CEP95: variants seen among roughly 807,000 people sequenced by gnomAD.
CEP95 encodes centrosomal protein 95, also known as centrosomal protein of 95 kDa.
A neutral mutation model predicts 111.2 loss-of-function variants in CEP95; 98 were observed. That is an observed-to-expected ratio of 0.88 (90% CI 0.75 to 1.04). The LOEUF (loss-of-function observed/expected upper bound fraction) is 1.04, where lower values mean the gene tolerates loss of function less well. Ranked by LOEUF, CEP95 falls within the 50% of genes least tolerant of loss-of-function variation. The pLI is 0.00. For missense variants in CEP95, 1,027 were observed against 977.2 expected (o/e 1.05, Z -0.68); for synonymous variants, 323 against 327.1 (o/e 0.99, Z 0.14).
At position 64,537,085 on chromosome 17, in the gene CEP95, T is replaced by G; in HGVS notation, c.2262T>G (p.Leu754=). 6.2e-7 allele frequency: 1 copy of G among 1,613,174 alleles called. No individual in the cohort carries two copies. The highest frequency in any genetic ancestry group is 2.2e-5 in the East Asian group (1 of 44,820). Residue 754 remains leucine (L), a synonymous_variant, in exon 19 of 20, where the codon CTT becomes CTG. Transcript: ENST00000556440. ...AEAISQEHQE[L]KAREKSQAQT... ...CCATATCACAGGAACATCAAGAACTTAAAGCCAGAGAGAAATCTCAGGCCC... is the reference window on the plus strand; with the variant it reads ...CCATATCACAGGAACATCAAGAACTGAAAGCCAGAGAGAAATCTCAGGCCC...
At chr17:64,516,919 A>C (rs962942222) in intron 5 of CEP95, 91 bp downstream of exon 5, 13 of 662,774 alleles carry the variant, frequency 2.0e-5, no homozygotes, top group African/African-American at 3.7e-5. Flanking sequence ...AGATGGCACC[A>C]AAAAAAGCTA....
chr17:64,510,930 CAG>C (rs1330554945), intron 3 of CEP95, among the ~76,000 whole-genome samples: 1 of 152,096 alleles, frequency 6.6e-6, no homozygotes, highest in Non-Finnish European at 1.5e-5. Flanking sequence ...AATAAAGGGA[CAG>C]AGTACAAAAG....
Position 64,510,201 on chromosome 17 carries a change from A to T in CEP95, c.177A>T (p.Glu59Asp), listed in dbSNP as rs2038820284. ...PDLIVIPRSQ[E>D]DDAHNVQAVI... ...TCATAGTTATTCCTAGGAGTCAAGAAGATGATGCACACAATGTACAAGCAG... is the reference window on the plus strand; with the variant it reads ...TCATAGTTATTCCTAGGAGTCAAGATGATGATGCACACAATGTACAAGCAG... The change falls in exon 3 of 20, where the codon GAA becomes GAT. Residue 59 changes from glutamate to aspartate, a missense_variant. Physicochemically the swap from Glu to Asp is conservative, Grantham distance 45. Coordinates refer to ENST00000556440, the MANE Select transcript of CEP95 (RefSeq NM_138363.3). 1 of 1,610,928 alleles carries T rather than the reference A, an allele frequency of 6.2e-7. No individual in the cohort carries two copies. The highest frequency in any genetic ancestry group is 2.2e-5 in the East Asian group (1 of 44,846).
chr17:64,531,917 C>G lies in CEP95; in HGVS notation c.1567C>G (p.Arg523Gly). Residue 523 changes from arginine to glycine, a missense_variant, in exon 14 of 20, where the codon CGT (arginine) becomes GGT (glycine). Coordinates refer to ENST00000556440, the MANE Select transcript of CEP95 (RefSeq NM_138363.3). ...AAAAATATACAGAGGAGAAGCTGTT[C>G]GTAAAGGAACTCCAGAATGTAGTCA... ...TEKIYRGEAVRKGTPECSQPW... is the reference protein window; with the variant it reads ...TEKIYRGEAVGKGTPECSQPW... The G allele has an allele frequency of 6.2e-7, 1 of 1,601,630 alleles. No homozygotes were observed. Among genetic ancestry groups the G allele is most frequent in the Non-Finnish European group, 8.5e-7 (1 of 1,174,938 alleles).
At chr17:64,534,765 G>A in intron 17 of CEP95, 28 bp downstream of exon 17, 1 of 1,599,410 alleles carries the variant, frequency 6.3e-7, no homozygotes, top group Non-Finnish European at 8.5e-7. Flanking sequence ...GTCCAGCCCT[G>A]TTAAGAAGGT....
At chr17:64,532,087 A>G (rs1036552639) in intron 14 of CEP95, 65 bp downstream of exon 14, 3 of 1,467,520 alleles carry the variant, frequency 2.0e-6, no homozygotes, top group African/African-American at 2.9e-5. Context: ...GCAACATTCC[A>G]AGGACACAGC....
rs1555674504 is a variant in CEP95 at position 64,510,244 on chromosome 17, T to C, written c.220T>C (p.Leu74=). The C allele has an allele frequency of 6.2e-7, 1 of 1,610,986 alleles. No individual in the cohort carries two copies. Among genetic ancestry groups the C allele is most frequent in the African/African-American group, 1.3e-5 (1 of 75,034 alleles). Residue 74 remains leucine, a synonymous_variant, in exon 3 of 20, where the codon TTG becomes CTG. Transcript: ENST00000556440. ...ACAAGCAGTAATTGATTCACTGGCC[T>C]TGGACTACTTGCAGGTCAGCTTGTC... ...NVQAVIDSLA[L]DYLQVSLSHI... is the part of the protein sequence containing the mutation.
At chr17:64,534,543 C>G (rs1568157198) in intron 16 of CEP95, 42 bp from the exon 17 acceptor site, 68 of 1,571,624 alleles carry the variant, frequency 4.3e-5, no homozygotes, top group Non-Finnish European at 5.9e-5. Flanking sequence ...CTGCATTCCT[C>G]TTGTCCTTAC....
In CEP95 at chr17:64,514,753, C is replaced by T. The variant is rs1257837574; in HGVS notation, c.367+395C>T. 1.4e-5 allele frequency: 4 copies of T among 277,822 alleles called. 1 individual carries two copies. In the South Asian group the frequency reaches 4.9e-4, roughly 34 times the overall value. 17.2% of individuals were successfully genotyped at this position (277,822 alleles called of 1,614,324 possible). A position where few individuals can be genotyped will look rare whatever the true frequency, so the allele number is the denominator to read the frequency against. ...AGAATTGGTGCATTTGTGTCTTTAGCCTGCACTTACATTTGTGACAGCCTA... is the reference window on the plus strand; with the variant it reads ...AGAATTGGTGCATTTGTGTCTTTAGTCTGCACTTACATTTGTGACAGCCTA... On this transcript the variant is annotated intron_variant, in intron 4 of 19. Coordinates refer to ENST00000556440, the MANE Select transcript of CEP95 (RefSeq NM_138363.3).
In CEP95 at chr17:64,521,396, T is replaced by C. The variant is rs1555677777; in HGVS notation, c.590-6T>C. On this transcript the variant is annotated splice_polypyrimidine_tract_variant and splice_region_variant and intron_variant, in intron 6 of 19. Transcript: ENST00000556440. ...AAAATTTTACCTTTAATATTTTCTTTCCTAGGTGCTCAATGTCCTAATGAA... is the reference window on the plus strand; with the variant it reads ...AAAATTTTACCTTTAATATTTTCTTCCCTAGGTGCTCAATGTCCTAATGAA... 1.2e-6 allele frequency: 2 copies of C among 1,601,056 alleles called. No individual in the cohort carries two copies. The highest frequency in any genetic ancestry group is 1.7e-6 in the Non-Finnish European group (2 of 1,173,270).
In CEP95 at chr17:64,527,151, C is replaced by T. The variant is rs1555679267; in HGVS notation, c.1193C>T (p.Thr398Ile). ...CTGGGTGATCGGATTAAAGAAAAGA[C>T]TGACCATAAAGAAGAAAATACTGGA... Reference protein sequence around the residue: ...SALGDRIKEKTDHKEENTGNE... With the variant: ...SALGDRIKEKIDHKEENTGNE... Residue 398 changes from threonine (T) to isoleucine (I), a missense_variant, in exon 11 of 20, where the codon ACT becomes ATT. Thr to Ile is a moderately conservative substitution (Grantham distance 89). Transcript: ENST00000556440. The T allele has an allele frequency of 6.2e-7, 1 of 1,613,306 alleles. No homozygotes were observed. Among genetic ancestry groups the T allele is most frequent in the African/African-American group, 1.3e-5 (1 of 74,968 alleles).
chr17:64,517,771 C>T (rs902367148), intron 5 of CEP95, among the ~76,000 whole-genome samples: 4 of 148,986 alleles, frequency 2.7e-5, no homozygotes, highest in South Asian at 4.3e-4. Flanking sequence ...TGGCCTCAAG[C>T]GATCCTCCTG....
chr17:64,530,054 C>T (rs1298324401), intron 12 of CEP95, among the ~76,000 whole-genome samples: 6 of 152,210 alleles, frequency 3.9e-5, no homozygotes, highest in South Asian at 4.1e-4. Context: ...ACAGAAAAAA[C>T]GCATGATGTA....
intron 2 of CEP95, among the ~76,000 whole-genome samples, chr17:64,509,905 C>CTATA (rs149675660): frequency 2.1e-4 from 31 of 149,124 alleles, no homozygotes; most frequent in African/African-American, 6.9e-4. Flanking sequence ...ATCTATATAT[C>CTATA]TATATATATA....
chr17:64,507,104 G>A lies in CEP95; in HGVS notation c.7G>A (p.Gly3Ser). 1 of 1,551,470 alleles carries A rather than the reference G, an allele frequency of 6.4e-7. No homozygotes were observed. The highest frequency in any genetic ancestry group is 2.0e-5 in the Admixed American group (1 of 51,020). The change falls in exon 1 of 20, where the codon GGC (glycine) becomes AGC (serine). Residue 3 changes from glycine to serine, a missense_variant. Coordinates refer to ENST00000556440, the MANE Select transcript of CEP95 (RefSeq NM_138363.3). MAGSDAEWVTIAN... is the reference protein window; with the variant it reads MASSDAEWVTIAN... ...GGCGACCTGCCTCTGAAACATGGCA[G>A]GCTCGGATGCTGGTGAGTGTCTCCC...
intron 3 of CEP95, among the ~76,000 whole-genome samples, chr17:64,513,168 G>A (rs1379742537): frequency 6.6e-6 from 1 of 152,126 alleles, no homozygotes; most frequent in Non-Finnish European, 1.5e-5. Flanking sequence ...AAACTCAAAC[G>A]TTGTCGTTAC....
rs1369597060 is a variant in CEP95 at position 64,529,294 on chromosome 17, C to T, written c.1313C>T (p.Ser438Phe). 3 of 1,611,930 alleles carry T rather than the reference C, an allele frequency of 1.9e-6. No individual in the cohort carries two copies. The highest frequency in any genetic ancestry group is 2.5e-6 in the Non-Finnish European group (3 of 1,179,158). The change falls in exon 12 of 20, where the codon TCC becomes TTC. Residue 438 changes from serine (S) to phenylalanine (F), a missense_variant. Coordinates refer to ENST00000556440, the MANE Select transcript of CEP95 (RefSeq NM_138363.3). The stretch of plus-strand genomic sequence containing the variant: ...TGTCTTTTCTCTGTTGCAGGACTTT[C>T]CATGCGTAGAAAGCCACCCTACAGA... ...YGPKKSRPGL[S>F]MRRKPPYRSH...
chr17:64,520,126 T>C (rs1286564914), intron 6 of CEP95, among the ~76,000 whole-genome samples: 9 of 152,164 alleles, frequency 5.9e-5, no homozygotes, highest in Non-Finnish European at 1.2e-4. Context: ...AAATGTTTCT[T>C]GAAGTAGGAG....
Position 64,525,629 on chromosome 17 carries a change from G to A in CEP95, c.910-141G>A, listed in dbSNP as rs142682651. The A allele has an allele frequency of 2.0e-4, 111 of 563,116 alleles. 1 individual carries two copies. The African/African-American group carries it at 2.1e-3, about 11-fold the overall frequency. 34.9% of individuals were successfully genotyped at this position (563,116 alleles called of 1,614,324 possible). A position where few individuals can be genotyped will look rare whatever the true frequency, so the allele number is the denominator to read the frequency against. On this transcript the variant is annotated intron_variant, in intron 8 of 19. Transcript: ENST00000556440. ...CTTTGGTGCACTGGGTGTCAATAGG[G>A]TCTTTTGACAAATGCACTTCAAAAC... is the stretch of plus-strand genomic sequence containing the variant.
Sources: gnomAD v4.1 joint callset for allele counts (sites outside exome capture counted in the v4.1 genomes callset) on GRCh38, gnomAD v4.1.1 for gene constraint, MANE v1.5 for transcripts, NCBI Gene and HGNC (gene_info 2026-07-23, HGNC 2026-07-21) for gene names.